The following EGF variants were observed in gnomAD, a reference collection of about 807,000 sequenced individuals.
EGF encodes the protein epidermal growth factor.
Under a neutral mutation model 143.8 loss-of-function variants are expected in EGF, and 95 were observed. That is an observed-to-expected ratio of 0.66 (90% CI 0.56 to 0.78). EGF has a LOEUF of 0.78. Among genes scored for constraint, EGF ranks in the 30% least tolerant of loss-of-function variants. EGF has a pLI of 0.00. For synonymous variants in EGF, 510 were observed against 510.5 expected, an observed-to-expected ratio of 1.00 and a Z score of 0.01; for missense variants, 1,320 against 1,470.9, an observed-to-expected ratio of 0.90 and a Z score of 1.68.
intron 7 of EGF, 77 bp downstream of exon 7, chr4:109,961,066 G>A: frequency 7.8e-6 from 12 of 1,539,164 alleles, no homozygotes; most frequent in Non-Finnish European, 1.1e-5. Flanking sequence ...TATGATCTGG[G>A]TTGGTGATCT....
intron 20 of EGF, among the ~76,000 whole-genome samples, chr4:109,997,971 T>C (rs973558848): frequency 1.3e-5 from 2 of 152,230 alleles, no homozygotes; most frequent in African/African-American, 2.4e-5. Flanking sequence ...ACAGAATCTT[T>C]TGTTTGGTTT....
intron 1 of EGF, among the ~76,000 whole-genome samples, chr4:109,937,684 G>A (rs1238445233): frequency 2.0e-5 from 3 of 151,938 alleles, no homozygotes; most frequent in Non-Finnish European, 2.9e-5. Flanking sequence ...TGCTTCTTTC[G>A]GGAGCTCTTG....
chr4:109,972,872 G>T (rs1747882906), intron 11 of EGF, among the ~76,000 whole-genome samples: 1 of 152,212 alleles, frequency 6.6e-6, no homozygotes, highest in Non-Finnish European at 1.5e-5. Flanking sequence ...CCAGCCACCA[G>T]AGAAGGTCTC....
At chr4:109,992,492 T>A (rs985547228) in intron 18 of EGF, 1 of 152,190 alleles carries the variant, frequency 6.6e-6, no homozygotes, top group Non-Finnish European at 1.5e-5. Flanking sequence ...TTTTACACTG[T>A]TGGTGGGACT....
chr4:109,973,602 C>T (rs562555924), intron 11 of EGF, among the ~76,000 whole-genome samples: 4 of 151,618 alleles, frequency 2.6e-5, no homozygotes, highest in Admixed American at 6.6e-5. Context: ...TTACTTCCCC[C>T]GACCTCTCCT....
At chr4:109,995,537 T>G (rs1751681826) in intron 20 of EGF, among the ~76,000 whole-genome samples, 1 of 152,228 alleles carries the variant, frequency 6.6e-6, no homozygotes, top group Admixed American at 6.5e-5. Flanking sequence ...ATTCCCACTG[T>G]GCTCACTCCG....
chr4:109,991,369 A>G (rs772625548), intron 18 of EGF, among the ~76,000 whole-genome samples: 3 of 152,164 alleles, frequency 2.0e-5, no homozygotes, highest in Non-Finnish European at 4.4e-5. Context: ...GGCGAAGGCT[A>G]GGAAGTTGGA....
chr4:109,917,506 T>A (rs1032210370), intron 1 of EGF, among the ~76,000 whole-genome samples: 2 of 152,166 alleles, frequency 1.3e-5, no homozygotes, highest in Non-Finnish European at 2.9e-5. Context: ...CTTTTTTTTT[T>A]AATTTCAATT....
At chr4:109,981,018 A>C (rs1436336073) in intron 15 of EGF, 43 bp downstream of exon 15, 3 of 1,611,446 alleles carry the variant, frequency 1.9e-6, no homozygotes, top group Non-Finnish European at 2.5e-6. Context: ...ACGTTGGCTC[A>C]GAAATACAGC....
intron 20 of EGF, among the ~76,000 whole-genome samples, chr4:109,999,279 C>G (rs1560762273): frequency 6.6e-6 from 1 of 152,172 alleles, no homozygotes; most frequent in Non-Finnish European, 1.5e-5. Flanking sequence ...ATTCTCCTTT[C>G]CTTTCACCTA....
Position 110,011,203 on chromosome 4 carries a change from G to T in EGF, c.3372G>T (p.Gly1124=). 6.2e-7 allele frequency: 1 copy of T among 1,613,924 alleles called. No individual in the cohort carries two copies. Among genetic ancestry groups the T allele is most frequent in the Non-Finnish European group, 8.5e-7 (1 of 1,180,000 alleles). Reference sequence around the variant, plus strand: ...AAATTTCTTTTGTCTTTCATATAGGGTCAATGCAACCAACTTCATGGAGGC... The same window carrying T: ...AAATTTCTTTTGTCTTTCATATAGGTTCAATGCAACCAACTTCATGGAGGC... ...VAGEDGQAAD[G]SMQPTSWRQE... The change falls in exon 24 of 24, where the codon GGG becomes GGT. Residue 1124 remains glycine, a splice_region_variant and synonymous_variant. Transcript: ENST00000265171.
intron 20 of EGF, among the ~76,000 whole-genome samples, chr4:109,999,295 A>G (rs1752242484): frequency 6.6e-6 from 1 of 152,080 alleles, no homozygotes; most frequent in Admixed American, 6.6e-5. Flanking sequence ...ACCTATACTC[A>G]TTGCAATCTG....
chr4:109,980,721 T>G, intron 14 of EGF, 105 bp from the exon 15 acceptor site: 1 of 1,276,932 alleles, frequency 7.8e-7, no homozygotes, highest in African/African-American at 1.5e-5. Context: ...ACTGCATTTC[T>G]CTCCCTAAAA....
chr4:109,964,502 G>A lies in EGF; in HGVS notation c.1540G>A (p.Val514Ile), dbSNP rs763584084. 9 of 1,613,930 alleles carry A rather than the reference G, an allele frequency of 5.6e-6. No homozygotes were observed. Among genetic ancestry groups the A allele is most frequent in the Non-Finnish European group, 7.6e-6 (9 of 1,179,848 alleles). ...GTLLSQQMGM[V>I]YALDHDPVEN... ...TCTGCTCAGCCAGCAGATGGGAATGGTTTATGCCCTAGATCATGACCCTGT... is the reference window on the plus strand; with the variant it reads ...TCTGCTCAGCCAGCAGATGGGAATGATTTATGCCCTAGATCATGACCCTGT... The change falls in exon 10 of 24, where the codon GTT becomes ATT. Residue 514 changes from valine (V) to isoleucine (I), a missense_variant. Transcript: ENST00000265171.
chr4:109,966,450 GA>G (rs1482829578), intron 10 of EGF, among the ~76,000 whole-genome samples: 1 of 152,042 alleles, frequency 6.6e-6, no homozygotes, highest in African/African-American at 2.4e-5. Context: ...TCCATTGATG[GA>G]CACTTAGATT....
chr4:109,980,672 C>G, intron 14 of EGF, 154 bp from the exon 15 acceptor site: 1 of 844,824 alleles, frequency 1.2e-6, no homozygotes, highest in Admixed American at 2.1e-5. Flanking sequence ...TGGGGGAACT[C>G]TTCTGAAATA....
chr4:110,001,711 G>A (rs1752594039), intron 21 of EGF: 1 of 985,304 alleles, frequency 1.0e-6, no homozygotes, highest in African/African-American at 1.7e-5. Flanking sequence ...GACCAGCTCA[G>A]CTGAAAGATG....
rs1157097211 is a variant in EGF, at chr4:110,013,279, CT to C, written c.*1829del. Among the ~76,000 whole-genome samples, 1 of 152,058 alleles carries C rather than the reference CT, an allele frequency of 6.6e-6. No individual in the cohort carries two copies. The highest frequency in any genetic ancestry group is 2.4e-5 in the African/African-American group (1 of 41,418). Reference sequence around the variant, plus strand: ...AGATTAAATTTTTGTATTTTAGCACCTTTTTCTTTTAGGGGTTCAATGATGA... The same window carrying C: ...AGATTAAATTTTTGTATTTTAGCACCTTTTCTTTTAGGGGTTCAATGATGA... On this transcript the variant is annotated 3_prime_UTR_variant, in exon 24 of 24. Transcript: ENST00000265171.
intron 9 of EGF, 146 bp from the exon 10 acceptor site, chr4:109,964,255 T>C: frequency 2.7e-6 from 3 of 1,123,310 alleles, no homozygotes; most frequent in Non-Finnish European, 3.9e-6. Context: ...TTGCCTGTCT[T>C]CACCTATACC....
Sources: gnomAD v4.1 joint callset for allele counts (sites outside exome capture counted in the v4.1 genomes callset) on GRCh38, gnomAD v4.1.1 for gene constraint, MANE v1.5 for transcripts, NCBI Gene and HGNC (gene_info 2026-07-23, HGNC 2026-07-21) for gene names.